Variants in CACNA1D observed in about 807,000 individuals in gnomAD.
CACNA1D encodes voltage-dependent L-type calcium channel subunit alpha-1D.
A neutral mutation model predicts 257.1 loss-of-function variants in CACNA1D; 55 were observed. That is an observed-to-expected ratio of 0.21 (90% CI 0.17 to 0.27). The LOEUF (loss-of-function observed/expected upper bound fraction) is 0.27, where lower values mean the gene tolerates loss of function less well. CACNA1D is among the 10% of genes least tolerant of loss of function. CACNA1D has a pLI of 1.00. For missense variants in CACNA1D, 1,876 were observed against 2,784.0 expected, an observed-to-expected ratio of 0.67 and a Z score of 7.34; for synonymous variants, 980 against 1,014.9, an observed-to-expected ratio of 0.97 and a Z score of 0.65.
At chr3:53,726,461 A>G (rs939150799) in intron 14 of CACNA1D, among the ~76,000 whole-genome samples, 2 of 152,106 alleles carry the variant, frequency 1.3e-5, no homozygotes, top group Non-Finnish European at 2.9e-5. Context: ...AACTGCTGTA[A>G]CACTCTCTCT....
chr3:53,611,464 A>T (rs1463122655), intron 3 of CACNA1D, among the ~76,000 whole-genome samples: 1 of 151,788 alleles, frequency 6.6e-6, no homozygotes, highest in Admixed American at 6.6e-5. Context: ...TGATTTCAAG[A>T]TTTTTTCTTG....
chr3:53,778,630 G>A (rs138157269), intron 37 of CACNA1D, among the ~76,000 whole-genome samples: 14 of 152,276 alleles, frequency 9.2e-5, no homozygotes, highest in South Asian at 4.1e-4. Context: ...CTTTGTGTCC[G>A]TGAGTCCTTT....
chr3:53,510,222 C>T (rs748849172), intron 3 of CACNA1D, among the ~76,000 whole-genome samples: 20 of 152,280 alleles, frequency 1.3e-4, no homozygotes, highest in African/African-American at 4.6e-4. Flanking sequence ...GTGTCCCTTC[C>T]GAATTGTTTT....
At chr3:53,517,228 CCCTCACTGCAAGGCCCTGAATCCTAAT>C (rs2091375138) in intron 3 of CACNA1D, among the ~76,000 whole-genome samples, 2 of 17,766 alleles carry the variant, frequency 1.1e-4, no homozygotes, top group African/African-American at 5.6e-4. Context: ...GAATCCTAAT[CCCTCACTGCAAGGCCCTGAATCCTAAT>C]TCCACTCCAT....
intron 44 of CACNA1D, among the ~76,000 whole-genome samples, chr3:53,803,820 C>G (rs1014604332): frequency 6.6e-6 from 1 of 152,222 alleles, no homozygotes; most frequent in Non-Finnish European, 1.5e-5. Flanking sequence ...TTAGTGAAGG[C>G]TTGGGAAATG....
At chr3:53,644,687 A>G (rs1294576986) in intron 3 of CACNA1D, among the ~76,000 whole-genome samples, 2 of 152,184 alleles carry the variant, frequency 1.3e-5, no homozygotes, top group African/African-American at 2.4e-5. Context: ...TTCATTGTGT[A>G]TCTATACCAC....
Position 53,523,749 on chromosome 3 carries a change from C to T in CACNA1D, c.483+22029C>T, listed in dbSNP as rs115913374. On this transcript the variant is annotated intron_variant, in intron 3 of 47. Transcript: ENST00000350061. ...AAGGTATTAAGAAACCTTTCAATTA[C>T]GGCAAGATCACCAGGGTTCTCATTT... Among the ~76,000 whole-genome samples the T allele has an allele frequency of 4.4e-3, 669 of 152,366 alleles. 4 individuals are homozygous for T. The highest frequency in any genetic ancestry group is 0.015 in the African/African-American group (636 of 41,586).
chr3:53,683,922 C>A (rs2094453334), intron 8 of CACNA1D, among the ~76,000 whole-genome samples: 1 of 152,042 alleles, frequency 6.6e-6, no homozygotes, highest in Non-Finnish European at 1.5e-5. Context: ...GTTAACAGAT[C>A]CAAAAGGCCC....
chr3:53,707,783 G>A (rs560208490), intron 9 of CACNA1D, among the ~76,000 whole-genome samples: 1 of 147,372 alleles, frequency 6.8e-6, no homozygotes, highest in South Asian at 2.3e-4. Flanking sequence ...CTCATTGTCA[G>A]TGATTAGTCT....
chr3:53,496,398 T>G (rs1309718596), intron 1 of CACNA1D, among the ~76,000 whole-genome samples: 1 of 152,200 alleles, frequency 6.6e-6, no homozygotes, highest in South Asian at 2.1e-4. Flanking sequence ...ATCCTAGGTG[T>G]AGGGGTGCAG....
chr3:53,672,979 C>G, intron 7 of CACNA1D, 44 bp from the exon 8 acceptor site: 2 of 1,233,322 alleles, frequency 1.6e-6, no homozygotes, highest in Non-Finnish European at 2.3e-6. Context: ...CTTATTAAAT[C>G]CTCTTATTAA....
At chr3:53,607,612 C>T (rs575340446) in intron 3 of CACNA1D, among the ~76,000 whole-genome samples, 1 of 152,240 alleles carries the variant, frequency 6.6e-6, no homozygotes, top group East Asian at 1.9e-4. Context: ...GCCAGCAACC[C>T]GAATTAGTCT....
At chr3:53,643,534 CT>C (rs2093985994) in intron 3 of CACNA1D, among the ~76,000 whole-genome samples, 1 of 152,162 alleles carries the variant, frequency 6.6e-6, no homozygotes, top group African/African-American at 2.4e-5. Context: ...TCGGTTCTTG[CT>C]GTTCTTGCTT....
chr3:53,782,013 A>G lies in CACNA1D; in HGVS notation c.4792+346A>G, dbSNP rs1340065009. On this transcript the variant is annotated intron_variant, in intron 39 of 47. Coordinates refer to ENST00000350061, the MANE Select transcript of CACNA1D (RefSeq NM_001128840.3). ...ATGAAATATTCAAAACTAGTTTCCA[A>G]TTACCCTTCAGTATATTGTTGAAAA... 1.1e-5 allele frequency: 3 copies of G among 266,640 alleles called. No individual in the cohort carries two copies. The Admixed American group carries it at 1.5e-4, about 13-fold the overall frequency. 16.5% of individuals were successfully genotyped at this position (266,640 alleles called of 1,614,324 possible). A position where few individuals can be genotyped will look rare whatever the true frequency, so the allele number is the denominator to read the frequency against.
chr3:53,497,174 C>G lies in CACNA1D; in HGVS notation c.90C>G (p.Thr30=), dbSNP rs778510463. ...CAGAGGCAAACTATGCAAGAGGCAC[C>G]AGACTTCCTCTTTCTGGTGAAGGAC... ...HANEANYARG[T]RLPLSGEGPT... The change falls in exon 2 of 48, where the codon ACC becomes ACG. Residue 30 remains threonine, a synonymous_variant. Transcript: ENST00000350061. 1.9e-5 allele frequency: 30 copies of G among 1,613,868 alleles called. No individual in the cohort carries two copies. The South Asian group carries it at 3.3e-4, about 18-fold the overall frequency.
chr3:53,735,213 T>G (rs543629956), intron 19 of CACNA1D, among the ~76,000 whole-genome samples, 161 bp from the exon 20 acceptor site: 2 of 152,348 alleles, frequency 1.3e-5, no homozygotes, highest in South Asian at 4.1e-4. Context: ...TTCGAGAGGC[T>G]GACGGACAGG....
intron 3 of CACNA1D, among the ~76,000 whole-genome samples, chr3:53,621,918 C>T (rs1203178552): frequency 1.3e-5 from 2 of 152,162 alleles, no homozygotes; most frequent in Middle Eastern, 3.2e-3. Flanking sequence ...CATGCTACTA[C>T]ACACCTACCA....
chr3:53,691,130 A>G (rs1370954559), intron 8 of CACNA1D, among the ~76,000 whole-genome samples: 1 of 150,860 alleles, frequency 6.6e-6, no homozygotes, highest in Admixed American at 6.6e-5. Context: ...AAGAGAGCCC[A>G]TGGTTTTGAA....
intron 3 of CACNA1D, among the ~76,000 whole-genome samples, chr3:53,634,509 G>C (rs1315681035): frequency 6.6e-6 from 1 of 152,098 alleles, no homozygotes; most frequent in Non-Finnish European, 1.5e-5. Flanking sequence ...GGTGTGAATG[G>C]GTGTGTGTGT....
Sources: allele counts gnomAD v4.1 joint callset (sites outside exome capture counted in the v4.1 genomes callset), GRCh38; gene constraint gnomAD v4.1.1; transcripts MANE v1.5; gene names NCBI Gene and HGNC (gene_info 2026-07-23, HGNC 2026-07-21).